ENG: variants seen among roughly 807,000 people sequenced by gnomAD.
ENG encodes CD105 antigen.
Under a neutral mutation model 71.0 loss-of-function variants are expected in ENG, and 17 were observed. The observed-to-expected ratio is 0.24, with a 90% CI of 0.16 to 0.36. ENG has a LOEUF of 0.36. ENG is among the 10% of genes least tolerant of loss of function. The pLI is 1.00. For synonymous variants in ENG, 360 were observed against 366.9 expected, an observed-to-expected ratio of 0.98 and a Z score of 0.21; for missense variants, 749 against 868.3, an observed-to-expected ratio of 0.86 and a Z score of 1.73.
chr9:127,853,575 C>T (rs1829083091), intron 1 of ENG, among the ~76,000 whole-genome samples: 1 of 152,230 alleles, frequency 6.6e-6, no homozygotes, highest in South Asian at 2.1e-4. Flanking sequence ...CCTGCACCCA[C>T]TCCTGCACCC....
In ENG at chr9:127,825,697, G is replaced by A. The variant is rs376919650; in HGVS notation, c.687C>T (p.Ala229=). The A allele has an allele frequency of 1.2e-4, 186 of 1,580,298 alleles. No individual in the cohort carries two copies. In the African/African-American group the frequency reaches 1.3e-3, roughly 11 times the overall value. ...HILRVLPGHS[A]GPRTVTVKVE... is the part of the protein sequence containing the mutation. ...CAGGGGCGGGGCGAGAGCCATACCC[G>A]GCCGAGTGGCCCGGCAGGACCCTCA... The change falls in exon 5 of 15, where the codon GCC becomes GCT. Residue 229 remains alanine, a splice_region_variant and synonymous_variant. Coordinates refer to ENST00000373203, the MANE Select transcript of ENG (RefSeq NM_001114753.3).
rs528194730 is a variant in ENG at position 127,818,649 on chromosome 9, G to T, written c.1428+67C>A. The T allele has an allele frequency of 3.9e-6, 6 of 1,545,152 alleles. No homozygotes were observed. In the African/African-American group the frequency reaches 5.4e-5, roughly 14 times the overall value. On this transcript the variant is annotated intron_variant, in intron 11 of 14. Coordinates refer to ENST00000373203, the MANE Select transcript of ENG (RefSeq NM_001114753.3). ...GTCTCATCTCCTCTGGAGTCATGGT[G>T]GGAAGAAAGGCGGAGAGGAAGTTCC...
chr9:127,832,360 C>T (rs1830787423), intron 2 of ENG, among the ~76,000 whole-genome samples: 1 of 152,188 alleles, frequency 6.6e-6, no homozygotes, highest in Admixed American at 6.5e-5. Flanking sequence ...CAGGCATGAG[C>T]CACTGCACCC....
intron 9 of ENG, 107 bp downstream of exon 9, chr9:127,819,793 C>T: frequency 6.2e-7 from 1 of 1,609,198 alleles, no homozygotes; most frequent in South Asian, 1.1e-5. Context: ...TTCTGAGCCC[C>T]TGCAGCCTGC....
At chr9:127,828,982 G>T (rs1442270888) in intron 3 of ENG, among the ~76,000 whole-genome samples, 2 of 152,206 alleles carry the variant, frequency 1.3e-5, no homozygotes, top group East Asian at 3.9e-4. Context: ...GGCAGTGCTG[G>T]CAAGCCACCC....
chr9:127,852,891 G>T (rs1829066056), intron 1 of ENG, among the ~76,000 whole-genome samples: 1 of 152,122 alleles, frequency 6.6e-6, no homozygotes, highest in Non-Finnish European at 1.5e-5. Context: ...CTAAATGTCT[G>T]CATGGACCTT....
chr9:127,830,453 T>G (rs569857514), intron 2 of ENG, among the ~76,000 whole-genome samples: 43 of 150,698 alleles, frequency 2.9e-4, no homozygotes, highest in Admixed American at 2.5e-3. Context: ...GACTAGTCTG[T>G]CCAACATGGT....
intron 13 of ENG, chr9:127,816,566 C>A: frequency 4.0e-6 from 1 of 249,496 alleles, no homozygotes; most frequent in South Asian, 5.3e-5. Flanking sequence ...CCTCTGACAT[C>A]CGATTCTGTG....
At chr9:127,831,319 C>T (rs974901020) in intron 2 of ENG, among the ~76,000 whole-genome samples, 1 of 151,782 alleles carries the variant, frequency 6.6e-6, no homozygotes, top group Non-Finnish European at 1.5e-5. Context: ...CACCACGACG[C>T]ATGGCTAATT....
At chr9:127,816,817 G>A in intron 13 of ENG, 1 of 439,490 alleles carries the variant, frequency 2.3e-6, no homozygotes, top group Non-Finnish European at 4.2e-6. Flanking sequence ...CCCTCAAAGG[G>A]CCTCTGTCTC....
At chr9:127,824,688 TCA>T in intron 7 of ENG, 110 bp downstream of exon 7, 1 of 1,268,422 alleles carries the variant, frequency 7.9e-7, no homozygotes, top group Non-Finnish European at 1.1e-6. Flanking sequence ...AAAATGAGGC[TCA>T]GAGAGGCTGA....
intron 1 of ENG, among the ~76,000 whole-genome samples, chr9:127,847,489 A>G (rs1434658423): frequency 2.0e-5 from 3 of 151,188 alleles, no homozygotes; most frequent in Non-Finnish European, 4.4e-5. Flanking sequence ...ATAGAGTCTC[A>G]CTCTGTCACC....
chr9:127,841,619 TTGG>T (rs1363512383), intron 2 of ENG, among the ~76,000 whole-genome samples: 4 of 152,170 alleles, frequency 2.6e-5, no homozygotes, highest in Non-Finnish European at 5.9e-5. Flanking sequence ...TCCCCCGATA[TTGG>T]TGGTCTGAGC....
At chr9:127,817,300 G>T in intron 12 of ENG, 97 bp from the exon 13 acceptor site, 1 of 1,281,934 alleles carries the variant, frequency 7.8e-7, no homozygotes, top group Non-Finnish European at 1.1e-6. Context: ...TAGAGCCTTG[G>T]CTTTGAATCC....
At chr9:127,845,820 C>A (rs1831157325) in intron 1 of ENG, among the ~76,000 whole-genome samples, 1 of 152,200 alleles carries the variant, frequency 6.6e-6, no homozygotes, top group Non-Finnish European at 1.5e-5. Flanking sequence ...GATCCTCCTG[C>A]CTCAGCCTCC....
chr9:127,841,491 GA>G lies in ENG; in HGVS notation c.219+1602del, dbSNP rs369097258. Among the ~76,000 whole-genome samples, 1,208 of 146,462 alleles carry G rather than the reference GA, an allele frequency of 8.2e-3. 10 individuals are homozygous for G. The highest frequency in any genetic ancestry group is 0.018 in the Admixed American group (262 of 14,690). On this transcript the variant is annotated intron_variant, in intron 2 of 14. Coordinates refer to ENST00000373203, the MANE Select transcript of ENG (RefSeq NM_001114753.3). ...TATTTTGAATATCATTACCAAATTT[GA>G]AAAAAAAAAATGACAATGCCTATGG... is the stretch of plus-strand genomic sequence containing the variant.
At chr9:127,818,641 G>T in intron 11 of ENG, 75 bp downstream of exon 11, 1 of 1,527,422 alleles carries the variant, frequency 6.5e-7, no homozygotes, top group Non-Finnish European at 9.1e-7. Flanking sequence ...CTCCTCTGGA[G>T]TCATGGTGGG....
At chr9:127,825,951 G>C in intron 4 of ENG, 91 bp from the exon 5 acceptor site, 1 of 1,510,520 alleles carries the variant, frequency 6.6e-7, no homozygotes, top group South Asian at 1.2e-5. Context: ...ATAGTGGTGG[G>C]GCAGGCAGGA....
chr9:127,826,735 A>G (rs928216518), intron 3 of ENG, 63 bp from the exon 4 acceptor site: 2 of 1,594,018 alleles, frequency 1.3e-6, no homozygotes, highest in South Asian at 2.2e-5. Flanking sequence ...TATCCCATGT[A>G]GGAGGTCAGG....
Sources: gnomAD v4.1 joint callset for allele counts (sites outside exome capture counted in the v4.1 genomes callset) on GRCh38, gnomAD v4.1.1 for gene constraint, MANE v1.5 for transcripts, NCBI Gene and HGNC (gene_info 2026-07-23, HGNC 2026-07-21) for gene names.